Variants in RNF38 observed in about 807,000 individuals in gnomAD.
The protein encoded by RNF38 is ring finger protein 38, also known as E3 ubiquitin-protein ligase RNF38.
In RNF38, 15 loss-of-function variants were observed where a neutral mutation model predicts 67.2. That is an observed-to-expected ratio of 0.22 (90% confidence interval 0.15 to 0.34). RNF38 has a LOEUF of 0.34. RNF38 is among the 10% of genes least tolerant of loss of function. The pLI is 1.00. For synonymous variants in RNF38, 220 were observed against 218.8 expected, an observed-to-expected ratio of 1.01 and a Z score of -0.05; for missense variants, 524 against 639.9, an observed-to-expected ratio of 0.82 and a Z score of 1.95.
At chr9:36,444,086 A>G (rs1839251715) in intron 1 of RNF38, among the ~76,000 whole-genome samples, 6 of 152,218 alleles carry the variant, frequency 3.9e-5, no homozygotes, top group Admixed American at 3.9e-4. Flanking sequence ...TTTTATTGTT[A>G]GCAACTACAA....
chr9:36,455,565 G>T (rs1839568382), intron 1 of RNF38, among the ~76,000 whole-genome samples: 1 of 152,012 alleles, frequency 6.6e-6, no homozygotes, highest in Non-Finnish European at 1.5e-5. Context: ...GGTGGATCAT[G>T]AGGTCAGGAG....
chr9:36,478,228 C>T (rs1343750840), intron 1 of RNF38, among the ~76,000 whole-genome samples: 1 of 150,956 alleles, frequency 6.6e-6, no homozygotes, highest in Non-Finnish European at 1.5e-5. Context: ...CATGGTGAAA[C>T]CCCATCTCTA....
chr9:36,408,588 C>G (rs1838240661), intron 2 of RNF38, among the ~76,000 whole-genome samples: 1 of 151,976 alleles, frequency 6.6e-6, no homozygotes, highest in African/African-American at 2.4e-5. Context: ...GGAACTAGGC[C>G]CAAACTATAA....
chr9:36,363,410 G>A (rs1192364207), intron 4 of RNF38, among the ~76,000 whole-genome samples: 2 of 100,380 alleles, frequency 2.0e-5, no homozygotes, highest in Non-Finnish European at 5.2e-5. Context: ...TGACCAACAG[G>A]TTTCCAAAAG....
chr9:36,362,569 AC>A (rs1834635278), intron 4 of RNF38, among the ~76,000 whole-genome samples: 1 of 151,428 alleles, frequency 6.6e-6, no homozygotes, highest in African/African-American at 2.4e-5. Context: ...CCCTCCAAGG[AC>A]CCTTTCCTGG....
At chr9:36,458,241 T>C (rs2134363090) in intron 1 of RNF38, among the ~76,000 whole-genome samples, 1 of 152,278 alleles carries the variant, frequency 6.6e-6, no homozygotes, top group African/African-American at 2.4e-5. Flanking sequence ...GCGCTCTGTG[T>C]TTAAAGGATT....
intron 2 of RNF38, among the ~76,000 whole-genome samples, chr9:36,383,724 G>A (rs1836378929): frequency 6.6e-6 from 1 of 151,466 alleles, no homozygotes; most frequent in African/African-American, 2.4e-5. Context: ...TCTGAATGTT[G>A]TTTTCAAAAG....
At chr9:36,348,240 C>T (rs1224819084) in intron 9 of RNF38, among the ~76,000 whole-genome samples, 1 of 151,956 alleles carries the variant, frequency 6.6e-6, no homozygotes, top group Admixed American at 6.6e-5. Flanking sequence ...GGCACAGTGG[C>T]TCATGACTGT....
At chr9:36,433,996 G>C (rs979209471) in intron 1 of RNF38, among the ~76,000 whole-genome samples, 5 of 151,706 alleles carry the variant, frequency 3.3e-5, no homozygotes, top group African/African-American at 1.2e-4. Context: ...TCCAGACTTA[G>C]GGAGGCCAAG....
At chr9:36,477,651 T>C (rs943760537) in intron 1 of RNF38, among the ~76,000 whole-genome samples, 5 of 151,076 alleles carry the variant, frequency 3.3e-5, no homozygotes, top group South Asian at 2.1e-4. Context: ...GAAACCCCCA[T>C]CCCTACTAAA....
intron 2 of RNF38, among the ~76,000 whole-genome samples, chr9:36,386,872 A>G (rs945152145): frequency 1.3e-5 from 2 of 152,172 alleles, no homozygotes; most frequent in African/African-American, 4.8e-5. Context: ...GCACAATCTC[A>G]GCTCACTGCA....
At chr9:36,383,265 G>A (rs979540584) in intron 2 of RNF38, among the ~76,000 whole-genome samples, 1 of 152,096 alleles carries the variant, frequency 6.6e-6, no homozygotes, top group East Asian at 1.9e-4. Context: ...GCAGTGGCGC[G>A]ATCTCAGCTC....
rs528087896 is a variant in RNF38 at position 36,424,553 on chromosome 9, A to G, written n.312+60T>C. 9.7e-6 allele frequency: 7 copies of G among 724,220 alleles called. No homozygotes were observed. The East Asian group carries it at 7.9e-4, about 81-fold the overall frequency. 44.9% of individuals were successfully genotyped at this position (724,220 alleles called of 1,614,324 possible). ...CCTAGGCCCAGAGTTACGCAAGAGA[A>G]TCCAGCAACGTAAGGTTGGCATGCA... On this transcript the variant is annotated intron_variant and non_coding_transcript_variant, in intron 2 of 3. Transcript: ENST00000488058.
At chr9:36,479,477 GC>G (rs1486771900) in intron 1 of RNF38, among the ~76,000 whole-genome samples, 2 of 152,204 alleles carry the variant, frequency 1.3e-5, no homozygotes, top group South Asian at 2.1e-4. Context: ...GTGGAGAGAA[GC>G]AGGGCTTATC....
intron 2 of RNF38, among the ~76,000 whole-genome samples, chr9:36,388,775 C>A (rs932919924): frequency 1.3e-5 from 2 of 151,900 alleles, no homozygotes; most frequent in Non-Finnish European, 2.9e-5. Context: ...ACAGATTATT[C>A]TAAAAAGAAG....
intron 1 of RNF38, among the ~76,000 whole-genome samples, chr9:36,439,488 GT>G (rs773798507): frequency 1.3e-5 from 2 of 152,060 alleles, no homozygotes; most frequent in Non-Finnish European, 2.9e-5. Context: ...ACAGAAAATG[GT>G]TAATAAGTGG....
At chr9:36,388,034 A>G (rs1293548136) in intron 2 of RNF38, among the ~76,000 whole-genome samples, 1 of 152,210 alleles carries the variant, frequency 6.6e-6, no homozygotes, top group Non-Finnish European at 1.5e-5. Flanking sequence ...TTTTTTAAAA[A>G]GTATACAAAG....
chr9:36,376,211 C>T (rs538010942), intron 2 of RNF38, 84 bp from the exon 3 acceptor site: 30 of 1,017,674 alleles, frequency 2.9e-5, no homozygotes, highest in Admixed American at 6.1e-5. Flanking sequence ...TTAGGATGTA[C>T]TTAACCTAAA....
chr9:36,446,635 C>T (rs761181938), intron 1 of RNF38, among the ~76,000 whole-genome samples: 2 of 147,252 alleles, frequency 1.4e-5, no homozygotes, highest in Admixed American at 6.8e-5. Flanking sequence ...GGTGAAACCC[C>T]GTCTCTACTA....
Sources: allele counts gnomAD v4.1 joint callset (sites outside exome capture counted in the v4.1 genomes callset), GRCh38; gene constraint gnomAD v4.1.1; transcripts MANE v1.5; gene names NCBI Gene and HGNC (gene_info 2026-07-23, HGNC 2026-07-21).